SASH1: variants seen among roughly 807,000 people sequenced by gnomAD.
The protein encoded by SASH1 is SAM and SH3 domain containing 1.
Under a neutral mutation model 125.2 loss-of-function variants are expected in SASH1, and 44 were observed. The ratio of observed to expected loss-of-function variants is 0.35; its 90% CI spans 0.28 to 0.45. The LOEUF (loss-of-function observed/expected upper bound fraction) is 0.45. SASH1 is among the 20% of genes least tolerant of loss of function. SASH1 has a pLI of 1.00. For synonymous variants in SASH1, 639 were observed against 649.1 expected (o/e 0.98, Z 0.24); for missense variants, 1,426 against 1,614.5 (o/e 0.88, Z 2.00).
the SASH1 span, among the ~76,000 whole-genome samples, chr6:148,234,034 G>A: frequency 4.0e-5 from 6 of 151,686 alleles, no homozygotes; most frequent in African/African-American, 1.5e-4. Flanking sequence ...GTTTTTTTTG[G>A]GTGGGGATAG....
At chr6:148,392,945 A>T (rs968419413) in intron 2 of SASH1, among the ~76,000 whole-genome samples, 2 of 152,192 alleles carry the variant, frequency 1.3e-5, no homozygotes, top group African/African-American at 4.8e-5. Context: ...CTCCTGTTGA[A>T]GCATAGTTAA....
In SASH1 at chr6:148,440,193, G is replaced by A. The variant is rs543885745; in HGVS notation, c.295G>A (p.Asp99Asn). ...VSQDLEVEKP[D>N]ASPTSLQLRS... ...ATCTGTTCTGTTTTAGGAGAAACCC[G>A]ATGCTAGCCCCACGTCACTTCAGCT... Residue 99 changes from aspartate (D) to asparagine (N), a missense_variant, in exon 3 of 20, where the codon GAT becomes AAT. Asp to Asn is a conservative substitution (Grantham distance 23). Coordinates refer to ENST00000367467, the MANE Select transcript of SASH1 (RefSeq NM_015278.5). The A allele has an allele frequency of 1.7e-5, 27 of 1,613,936 alleles. No homozygotes were observed. The highest frequency in any genetic ancestry group is 3.3e-4 in the Middle Eastern group (2 of 6,062).
In SASH1 at chr6:148,514,329, A is replaced by G. The variant is rs768241204; in HGVS notation, c.735A>G (p.Arg245=). 4 of 1,602,336 alleles carry G rather than the reference A, an allele frequency of 2.5e-6. No individual in the cohort carries two copies. The highest frequency in any genetic ancestry group is 2.5e-6 in the Non-Finnish European group (3 of 1,177,140). The change falls in exon 9 of 20, where the codon AGA becomes AGG. Residue 245 remains arginine (R), a synonymous_variant. Coordinates refer to ENST00000367467, the MANE Select transcript of SASH1 (RefSeq NM_015278.5). The part of the protein sequence containing the change: ...TFDGSSNCNS[R]EQSDDETEES... ...TTCCTTTGTTTCTTTGCCAGTCAAG[A>G]GAACAATCGGATGATGAGACTGAGG...
chr6:148,507,164 T>A (rs56328934), intron 8 of SASH1, among the ~76,000 whole-genome samples: 3 of 151,890 alleles, frequency 2.0e-5, no homozygotes, highest in Admixed American at 1.3e-4. Context: ...GAGATACTTC[T>A]GAGCAGAAGA....
chr6:148,477,167 G>C (rs1389222110), intron 7 of SASH1, among the ~76,000 whole-genome samples: 7 of 152,170 alleles, frequency 4.6e-5, no homozygotes, highest in African/African-American at 1.7e-4. Context: ...AAAATTTCTT[G>C]AGTGATATCC....
chr6:148,319,479 C>A (rs1780581543), intron 1 of SASH1, among the ~76,000 whole-genome samples: 1 of 151,996 alleles, frequency 6.6e-6, no homozygotes, highest in African/African-American at 2.4e-5. Flanking sequence ...ATGGAAAACT[C>A]AATAAATAAA....
rs80317536 is a variant in SASH1 at position 148,418,285 on chromosome 6, C to T, written c.286-21899C>T. Among the ~76,000 whole-genome samples the T allele has an allele frequency of 2.4e-3, 372 of 152,258 alleles. 1 individual carries two copies. Among genetic ancestry groups the T allele is most frequent in the Non-Finnish European group, 3.6e-3 (243 of 68,034 alleles). On this transcript the variant is annotated intron_variant, in intron 2 of 19. Coordinates refer to ENST00000367467, the MANE Select transcript of SASH1 (RefSeq NM_015278.5). The stretch of plus-strand genomic sequence containing the variant: ...TTTACTTTTATGTATTTCCTTACCA[C>T]GCCACTCAGCTTTTCCCTGGCTGCC...
chr6:148,539,966 C>T (rs1782117858), intron 16 of SASH1, among the ~76,000 whole-genome samples: 1 of 152,148 alleles, frequency 6.6e-6, no homozygotes, highest in Non-Finnish European at 1.5e-5. Flanking sequence ...TTAATATTAG[C>T]TCCCAAATTT....
At chr6:148,369,331 T>C (rs1425616505) in intron 1 of SASH1, among the ~76,000 whole-genome samples, 1 of 152,224 alleles carries the variant, frequency 6.6e-6, no homozygotes, top group Non-Finnish European at 1.5e-5. Flanking sequence ...CTTCACATGT[T>C]GAAACTGTTT....
intron 1 of SASH1, among the ~76,000 whole-genome samples, chr6:148,362,348 G>A (rs967868969): frequency 2.6e-5 from 4 of 151,216 alleles, no homozygotes; most frequent in African/African-American, 4.9e-5. Context: ...TCAGCCTCCC[G>A]AGTAGCTGGG....
At chr6:148,436,827 T>C (rs1776309735) in intron 2 of SASH1, among the ~76,000 whole-genome samples, 1 of 152,244 alleles carries the variant, frequency 6.6e-6, no homozygotes, top group Non-Finnish European at 1.5e-5. Flanking sequence ...ATAAGGTGCT[T>C]GTTGGTTTAT....
rs1468260887 is a variant in SASH1 at position 148,551,619 on chromosome 6, A to G, written c.*3061A>G. 1 of 152,426 alleles carries G rather than the reference A, an allele frequency of 6.6e-6. No homozygotes were observed. Among genetic ancestry groups the G allele is most frequent in the Non-Finnish European group, 1.5e-5 (1 of 68,032 alleles). The allele number at this position is 152,426 out of a possible 1,614,324, so 9.4% of individuals were successfully genotyped here. On this transcript the variant is annotated 3_prime_UTR_variant, in exon 20 of 20. Transcript: ENST00000367467. ...GTTTGCTTTCATAACTGCAGCAAAA[A>G]AGGTCAACTTGCCAAGTCACTGCTG... is the stretch of plus-strand genomic sequence containing the variant.
chr6:148,536,583 G>A (rs1238508475), intron 16 of SASH1, among the ~76,000 whole-genome samples: 4 of 152,086 alleles, frequency 2.6e-5, no homozygotes, highest in Middle Eastern at 3.2e-3. Context: ...CAGGTGATCC[G>A]CCCACCTCGG....
At chr6:148,374,713 G>GC (rs1782824799) in intron 1 of SASH1, among the ~76,000 whole-genome samples, 1 of 151,500 alleles carries the variant, frequency 6.6e-6, no homozygotes, top group South Asian at 2.1e-4. Flanking sequence ...TTGGGGGGGG[G>GC]GGAGATGGAG....
the SASH1 span, among the ~76,000 whole-genome samples, chr6:148,259,785 G>C: frequency 6.6e-6 from 1 of 152,236 alleles, no homozygotes; most frequent in African/African-American, 2.4e-5. Flanking sequence ...ACTAAGAAGG[G>C]AGTACTTCTG....
intron 6 of SASH1, 47 bp downstream of exon 6, chr6:148,471,550 TGGGA>T: frequency 8.8e-7 from 1 of 1,134,050 alleles, no homozygotes; most frequent in Non-Finnish European, 1.3e-6. Flanking sequence ...AGCTCTAACA[TGGGA>T]AGAATCCTAT....
intron 4 of SASH1, among the ~76,000 whole-genome samples, chr6:148,462,863 G>A (rs1777680100): frequency 1.3e-5 from 2 of 152,122 alleles, no homozygotes; most frequent in Admixed American, 6.5e-5. Flanking sequence ...CAGAGACGTG[G>A]CCACCAAGCC....
At chr6:148,291,445 C>T (rs1253596579) in intron 1 of SASH1, among the ~76,000 whole-genome samples, 1 of 151,996 alleles carries the variant, frequency 6.6e-6, no homozygotes, top group Non-Finnish European at 1.5e-5. Context: ...CTTTGAGATG[C>T]CAAGGTGGGC....
At chr6:148,528,930 T>A (rs1188560194) in intron 12 of SASH1, among the ~76,000 whole-genome samples, 1 of 152,006 alleles carries the variant, frequency 6.6e-6, no homozygotes, top group African/African-American at 2.4e-5. Context: ...GATGATCCCA[T>A]CTGGGGATGA....
Sources: gnomAD v4.1 joint callset for allele counts (sites outside exome capture counted in the v4.1 genomes callset) on GRCh38, gnomAD v4.1.1 for gene constraint, MANE v1.5 for transcripts, NCBI Gene and HGNC (gene_info 2026-07-23, HGNC 2026-07-21) for gene names.